Variants in COMMD1 observed in about 807,000 individuals in gnomAD.
COMMD1 encodes copper metabolism domain containing 1.
Under a neutral mutation model 17.2 loss-of-function variants are expected in COMMD1, and 10 were observed. That is an observed-to-expected ratio of 0.58 (90% CI 0.36 to 0.99). The LOEUF is 0.99. Ranked by LOEUF, COMMD1 falls within the 50% of genes least tolerant of loss-of-function variation. The pLI is 0.01. For synonymous variants in COMMD1, 97 were observed against 91.6 expected (o/e 1.06, Z -0.34); for missense variants, 270 against 231.8 (o/e 1.17, Z -1.07).
At chr2:61,996,314 A>ATG (rs70946774) in intron 1 of COMMD1, among the ~76,000 whole-genome samples, 2,560 of 142,338 alleles carry the variant, frequency 0.018, 28 homozygotes, top group East Asian at 0.044. Flanking sequence ...TGTTTTCTAA[A>ATG]TGTGTGTGTG....
intron 2 of COMMD1, among the ~76,000 whole-genome samples, chr2:62,115,865 T>G (rs2104058746): frequency 6.8e-6 from 1 of 147,088 alleles, no homozygotes; most frequent in African/African-American, 2.5e-5. Context: ...TCTTTCTTTT[T>G]TTTTTTTTTT....
At chr2:61,943,696 G>A (rs1400169270) in intron 1 of COMMD1, among the ~76,000 whole-genome samples, 5 of 152,122 alleles carry the variant, frequency 3.3e-5, no homozygotes, top group Non-Finnish European at 7.4e-5. Flanking sequence ...TCAGCCGGGT[G>A]TGGTGGCACG....
intron 1 of COMMD1, among the ~76,000 whole-genome samples, chr2:61,894,213 TCTCA>T (rs1376682885): frequency 2.6e-5 from 4 of 152,182 alleles, no homozygotes; most frequent in African/African-American, 9.6e-5. Context: ...GATTCTCCTG[TCTCA>T]CTCAGCCTCC....
chr2:62,057,361 G>A (rs549038020), intron 2 of COMMD1, among the ~76,000 whole-genome samples: 26 of 152,186 alleles, frequency 1.7e-4, no homozygotes, highest in Non-Finnish European at 3.7e-4. Context: ...TGTGTGTGAT[G>A]TTATAATATT....
intron 1 of COMMD1, among the ~76,000 whole-genome samples, chr2:61,924,136 C>T (rs1429746478): frequency 6.6e-6 from 1 of 152,136 alleles, no homozygotes; most frequent in Non-Finnish European, 1.5e-5. Flanking sequence ...GCTGCCAAAC[C>T]ATGTCACTCT....
chr2:62,108,054 A>G (rs1672363427), intron 2 of COMMD1, among the ~76,000 whole-genome samples: 1 of 152,176 alleles, frequency 6.6e-6, no homozygotes. Flanking sequence ...GTATTTTTGC[A>G]TATCATGTTT....
intron 1 of COMMD1, among the ~76,000 whole-genome samples, chr2:61,951,739 A>G (rs1313067583): frequency 6.6e-6 from 1 of 152,192 alleles, no homozygotes; most frequent in East Asian, 1.9e-4. Flanking sequence ...GATAGCGAAC[A>G]TATCTATCAC....
chr2:61,930,652 T>A (rs894040431), intron 1 of COMMD1, among the ~76,000 whole-genome samples: 3 of 151,106 alleles, frequency 2.0e-5, no homozygotes, highest in African/African-American at 7.3e-5. Context: ...TGTGTGTGTG[T>A]GTGTGAGTGA....
At chr2:62,086,489 T>G (rs1043420548) in intron 2 of COMMD1, among the ~76,000 whole-genome samples, 5 of 150,168 alleles carry the variant, frequency 3.3e-5, no homozygotes, top group Non-Finnish European at 4.4e-5. Context: ...CCAGCCTGTA[T>G]GACTGAGCAA....
At chr2:61,983,211 A>G (rs1414984437) in intron 1 of COMMD1, among the ~76,000 whole-genome samples, 1 of 136,652 alleles carries the variant, frequency 7.3e-6, no homozygotes, top group Middle Eastern at 4.1e-3. Context: ...TTTTTTTGAG[A>G]TGGAGTCTCC....
At position 62,012,361 on chromosome 2, in the gene COMMD1, C is replaced by G. The variant is rs557643658; in HGVS notation, c.462+11379C>G. On this transcript the variant is annotated intron_variant, in intron 2 of 2. Coordinates refer to ENST00000311832, the MANE Select transcript of COMMD1 (RefSeq NM_152516.4). ...TTTTTTTTTGAGATGGAGTCTTACT[C>G]TTGTTGCCCAGGCTGGAGTGCAGTG... Among the ~76,000 whole-genome samples, 10 of 140,036 alleles carry G rather than the reference C, an allele frequency of 7.1e-5. No homozygotes were observed. In the East Asian group the frequency reaches 1.9e-3, roughly 27 times the overall value. 91.9% of individuals were successfully genotyped at this position (140,036 alleles called of 152,430 possible). A position where few individuals can be genotyped will look rare whatever the true frequency, so the allele number is the denominator to read the frequency against.
At chr2:61,968,043 C>T (rs1015798441) in intron 1 of COMMD1, among the ~76,000 whole-genome samples, 1 of 152,124 alleles carries the variant, frequency 6.6e-6, no homozygotes, top group Non-Finnish European at 1.5e-5. Context: ...TGCCTGTAAT[C>T]CCAGCTACTT....
At chr2:61,888,601 T>G (rs1045885075), upstream of COMMD1, 3 of 1,395,124 alleles carry the variant, frequency 2.2e-6, no homozygotes, top group Non-Finnish European at 1.9e-6. Context: ...CCTCACTGCC[T>G]TCACGAACCT....
intron 2 of COMMD1, among the ~76,000 whole-genome samples, chr2:62,041,735 C>G (rs964473833): frequency 2.6e-5 from 4 of 152,130 alleles, no homozygotes; most frequent in Admixed American, 2.0e-4. Flanking sequence ...GTGAGTGTTA[C>G]AGTTCTTAAA....
chr2:62,042,028 A>T (rs946787999), intron 2 of COMMD1, among the ~76,000 whole-genome samples: 1 of 152,172 alleles, frequency 6.6e-6, no homozygotes, highest in African/African-American at 2.4e-5. Flanking sequence ...CCCCACCCAC[A>T]TCCTACTGAT....
intron 1 of COMMD1, among the ~76,000 whole-genome samples, chr2:61,917,732 C>G (rs944543037): frequency 6.6e-6 from 1 of 152,174 alleles, no homozygotes. Context: ...GGGGTTTCAC[C>G]GTGTTAGCCA....
upstream of COMMD1, among the ~76,000 whole-genome samples, chr2:61,900,722 T>C (rs536779658): frequency 1.3e-5 from 2 of 152,274 alleles, no homozygotes; most frequent in African/African-American, 4.8e-5. Flanking sequence ...GGATTTTATT[T>C]TTAGTTTACA....
chr2:62,076,614 G>A (rs1404387379), intron 2 of COMMD1, among the ~76,000 whole-genome samples: 2 of 152,174 alleles, frequency 1.3e-5, no homozygotes, highest in African/African-American at 4.8e-5. Flanking sequence ...GGGCATGGTG[G>A]TGGGCACCTG....
chr2:61,977,491 G>T (rs1414474554), intron 1 of COMMD1, among the ~76,000 whole-genome samples: 1 of 148,638 alleles, frequency 6.7e-6, no homozygotes, highest in Admixed American at 6.7e-5. Context: ...TGATGTGCCC[G>T]CCTCGGCCTC....
Sources: allele counts gnomAD v4.1 joint callset (sites outside exome capture counted in the v4.1 genomes callset), GRCh38; gene constraint gnomAD v4.1.1; transcripts MANE v1.5; gene names NCBI Gene and HGNC (gene_info 2026-07-23, HGNC 2026-07-21).